The following GADL1 variants were observed in gnomAD, a reference collection of about 807,000 sequenced individuals.
The protein encoded by GADL1 is acidic amino acid decarboxylase GADL1.
A neutral mutation model predicts 69.5 loss-of-function variants in GADL1; 71 were observed. The ratio of observed to expected loss-of-function variants is 1.02; its 90% CI spans 0.84 to 1.25. The LOEUF (loss-of-function observed/expected upper bound fraction) is 1.25, where lower values mean the gene tolerates loss of function less well. GADL1 is among the 50% of genes most tolerant of loss of function. The probability of loss-of-function intolerance (pLI) is 0.00; values close to 1 mark genes in which losing one functional copy is unlikely to be tolerated. For synonymous variants in GADL1, 254 were observed against 214.4 expected (o/e 1.18, Z -1.62); for missense variants, 737 against 631.8 (o/e 1.17, Z -1.79).
At chr3:30,871,801 C>G (rs1017535721) in intron 1 of GADL1, among the ~76,000 whole-genome samples, 2 of 151,760 alleles carry the variant, frequency 1.3e-5, no homozygotes, top group African/African-American at 4.8e-5. Context: ...AGAACGTGCT[C>G]CTCAGAAGGG....
intron 12 of GADL1, among the ~76,000 whole-genome samples, chr3:30,790,385 CAT>C (rs1043541618): frequency 2.0e-5 from 3 of 152,098 alleles, no homozygotes; most frequent in African/African-American, 7.2e-5. Flanking sequence ...ATTACCAAAA[CAT>C]AACACAGACA....
At chr3:30,763,297 G>A (rs1479827552) in intron 14 of GADL1, among the ~76,000 whole-genome samples, 5 of 152,130 alleles carry the variant, frequency 3.3e-5, no homozygotes, top group Admixed American at 2.0e-4. Flanking sequence ...AGGAGATTGA[G>A]ACCATCCTGG....
At chr3:30,855,533 CA>C (rs1698215936) in intron 3 of GADL1, among the ~76,000 whole-genome samples, 1 of 152,036 alleles carries the variant, frequency 6.6e-6, no homozygotes, top group Non-Finnish European at 1.5e-5. Context: ...ATGCGGCTTA[CA>C]TACACTTCTG....
At chr3:30,816,642 T>C (rs1156354935) in intron 11 of GADL1, among the ~76,000 whole-genome samples, 8 of 143,664 alleles carry the variant, frequency 5.6e-5, no homozygotes, top group Admixed American at 3.8e-4. Flanking sequence ...GCCTCCCAGT[T>C]TCAAGCAATT....
intron 14 of GADL1, among the ~76,000 whole-genome samples, chr3:30,756,275 T>A (rs1695967139): frequency 6.6e-6 from 1 of 152,188 alleles, no homozygotes; most frequent in Non-Finnish European, 1.5e-5. Flanking sequence ...TGATCTGGCC[T>A]CAGTTTCCTC....
At chr3:30,735,490 A>G (rs1422634015) in intron 14 of GADL1, among the ~76,000 whole-genome samples, 1 of 152,238 alleles carries the variant, frequency 6.6e-6, no homozygotes, top group African/African-American at 2.4e-5. Flanking sequence ...AACACAACAT[A>G]GAAGAATCTC....
At chr3:30,859,776 T>G (rs1698291146) in intron 2 of GADL1, among the ~76,000 whole-genome samples, 1 of 151,978 alleles carries the variant, frequency 6.6e-6, no homozygotes, top group Non-Finnish European at 1.5e-5. Context: ...GGTGCTCTGT[T>G]GGATCTCAAA....
intron 14 of GADL1, among the ~76,000 whole-genome samples, chr3:30,751,425 TTG>T (rs534449350): frequency 3.2e-4 from 49 of 151,074 alleles, no homozygotes; most frequent in African/African-American, 1.1e-3. Flanking sequence ...TTCTGTTGCT[TTG>T]TCTTTCATTG....
chr3:30,871,855 A>G (rs78457111), intron 1 of GADL1, among the ~76,000 whole-genome samples: 3,893 of 151,992 alleles, frequency 0.026, 69 homozygotes, highest in Non-Finnish European at 0.039. Context: ...TGTCCTACCA[A>G]TAGCCAATAA....
chr3:30,795,745 T>TTCA (rs1228710602), intron 12 of GADL1, among the ~76,000 whole-genome samples: 2 of 152,186 alleles, frequency 1.3e-5, no homozygotes, highest in African/African-American at 4.8e-5. Context: ...TAATTTCACA[T>TTCA]TCATACCAAA....
At chr3:30,782,472 C>G (rs925810488) in intron 13 of GADL1, among the ~76,000 whole-genome samples, 4 of 151,750 alleles carry the variant, frequency 2.6e-5, no homozygotes, top group African/African-American at 9.7e-5. Context: ...TTCTAATGAC[C>G]AAAAGAAGAA....
chr3:30,840,487 T>C (rs1243267070), intron 8 of GADL1, among the ~76,000 whole-genome samples: 1 of 152,186 alleles, frequency 6.6e-6, no homozygotes, highest in Non-Finnish European at 1.5e-5. Flanking sequence ...ACTTCTTCCC[T>C]GTATTCAAAC....
chr3:30,735,547 C>G (rs938764572), intron 14 of GADL1, among the ~76,000 whole-genome samples: 1 of 152,132 alleles, frequency 6.6e-6, no homozygotes, highest in African/African-American at 2.4e-5. Context: ...AGGCTGCCTT[C>G]TATATGTTTC....
In GADL1 at chr3:30,866,741, C is replaced by A. The variant is rs539137834; in HGVS notation, c.38-4976G>T. Among the ~76,000 whole-genome samples the A allele has an allele frequency of 2.0e-5, 3 of 152,102 alleles. No homozygotes were observed. The South Asian group carries it at 6.2e-4, about 32-fold the overall frequency. On this transcript the variant is annotated intron_variant, in intron 1 of 14. Transcript: ENST00000282538. ...CACACTGGGTAGGCAGCTTCCTAGA[C>A]CTTCTGCCTTGTTGCTTTCCACCTT...
In GADL1 at chr3:30,859,358, G is replaced by A. The variant is rs919020310; in HGVS notation, c.211-2217C>T. Among the ~76,000 whole-genome samples the A allele has an allele frequency of 3.3e-5, 5 of 152,030 alleles. No individual in the cohort carries two copies. The East Asian group carries it at 7.8e-4, about 24-fold the overall frequency. On this transcript the variant is annotated intron_variant, in intron 2 of 14. Transcript: ENST00000282538. The stretch of plus-strand genomic sequence containing the variant: ...ACAATCAAAAGGAATGACTACTGGC[G>A]CATTCAACAACATGGATGAATCTCA...
chr3:30,776,064 C>T (rs764476210), intron 14 of GADL1, among the ~76,000 whole-genome samples: 21 of 151,014 alleles, frequency 1.4e-4, no homozygotes, highest in East Asian at 5.9e-4. Flanking sequence ...CCAGCCTGGG[C>T]GACAGCAAGA....
chr3:30,742,994 C>A (rs1995450), intron 14 of GADL1, among the ~76,000 whole-genome samples: 1 of 151,424 alleles, frequency 6.6e-6, no homozygotes, highest in Non-Finnish European at 1.5e-5. Flanking sequence ...ACAGAACCTG[C>A]GCATGATCTT....
intron 12 of GADL1, among the ~76,000 whole-genome samples, chr3:30,786,629 C>T (rs1298479237): frequency 6.6e-6 from 1 of 152,188 alleles, no homozygotes; most frequent in African/African-American, 2.4e-5. Context: ...ATCTATCTCA[C>T]ATGTTAGCAT....
intron 11 of GADL1, among the ~76,000 whole-genome samples, chr3:30,812,176 T>C (rs1252954190): frequency 6.6e-6 from 1 of 152,206 alleles, no homozygotes; most frequent in Non-Finnish European, 1.5e-5. Context: ...GTGGGTTACA[T>C]GTGGTCCATG....
Sources: allele counts gnomAD v4.1 joint callset (sites outside exome capture counted in the v4.1 genomes callset), GRCh38; gene constraint gnomAD v4.1.1; transcripts MANE v1.5; gene names NCBI Gene and HGNC (gene_info 2026-07-23, HGNC 2026-07-21).